Variants in PHACTR2 observed in about 807,000 individuals in gnomAD.
PHACTR2 encodes phosphatase and actin regulator 2.
PHACTR2 carries 30 observed loss-of-function variants against 76.0 expected under a neutral mutation model. That is an observed-to-expected ratio of 0.39 (90% CI 0.30 to 0.54). The LOEUF (loss-of-function observed/expected upper bound fraction) is 0.54. Among genes scored for constraint, PHACTR2 ranks in the 20% least tolerant of loss-of-function variants. The pLI, the probability that PHACTR2 is intolerant of heterozygous loss-of-function variation, is 0.61. For synonymous variants in PHACTR2, 292 were observed against 292.5 expected, an observed-to-expected ratio of 1.00 and a Z score of 0.02; for missense variants, 696 against 781.1, an observed-to-expected ratio of 0.89 and a Z score of 1.30.
chr6:143,667,136 T>G (rs1030101559), intron 1 of PHACTR2, among the ~76,000 whole-genome samples: 1 of 152,262 alleles, frequency 6.6e-6, no homozygotes, highest in Non-Finnish European at 1.5e-5. Flanking sequence ...AAGTAGGGAA[T>G]CCTTTCTCCA....
rs1778686416 is a variant in PHACTR2, at chr6:143,730,955, C to T, written c.215-18030C>T. On this transcript the variant is annotated intron_variant, in intron 2 of 12. Transcript: ENST00000440869. This position sits in a 1 kb window ranked among gnomAD's most constrained non-coding sequence, Gnocchi z 4.8. The stretch of plus-strand genomic sequence containing the variant: ...TAGAGACGGGGTTTCACTATGTTGG[C>T]CCCAGGCTGGTCTGGAATTCCTGAC... Among the ~76,000 whole-genome samples, 1 of 152,066 alleles carries T rather than the reference C, an allele frequency of 6.6e-6. No individual in the cohort carries two copies. The highest frequency in any genetic ancestry group is 1.5e-5 in the Non-Finnish European group (1 of 67,996).
chr6:143,760,428 C>T lies in PHACTR2; in HGVS notation c.482C>T (p.Pro161Leu), dbSNP rs766386038. 40 of 1,612,574 alleles carry T rather than the reference C, an allele frequency of 2.5e-5. No homozygotes were observed. The East Asian group carries it at 2.9e-4, about 12-fold the overall frequency. Residue 161 changes from proline (P) to leucine (L), a missense_variant, in exon 5 of 13, where the codon CCG (proline) becomes CTG (leucine). By Grantham distance (98) the Pro-to-Leu change is moderately conservative. Coordinates refer to ENST00000440869, the MANE Select transcript of PHACTR2 (RefSeq NM_001100164.2). This position sits in a 1 kb window ranked among gnomAD's most constrained non-coding sequence, Gnocchi z 6.4. ...KENTENHSET[P>L]AAPALPPSAP... ...AACACTGAAAACCACTCTGAAACAC[C>T]GGCAGCTCCTGCTCTACCTCCTTCT...
At chr6:143,699,381 A>G (rs1286450595) in intron 1 of PHACTR2, among the ~76,000 whole-genome samples, 1 of 152,122 alleles carries the variant, frequency 6.6e-6, no homozygotes, top group East Asian at 1.9e-4. Context: ...CAAACAGCAA[A>G]CAAAACCTTT....
rs12191548 is a variant in PHACTR2 at position 143,740,986 on chromosome 6, C to A, written c.215-7999C>A. On this transcript the variant is annotated intron_variant, in intron 2 of 12. Coordinates refer to ENST00000440869, the MANE Select transcript of PHACTR2 (RefSeq NM_001100164.2). Reference sequence around the variant, plus strand: ...TTGCTTAGCTGAGCGCAGTGGCTCACGCCTGTCATCCCAGCACTTTGGAGG... The same window carrying A: ...TTGCTTAGCTGAGCGCAGTGGCTCAAGCCTGTCATCCCAGCACTTTGGAGG... Among the ~76,000 whole-genome samples the A allele has an allele frequency of 3.3e-3, 506 of 152,336 alleles. 3 individuals are homozygous for A. The highest frequency in any genetic ancestry group is 5.4e-3 in the Non-Finnish European group (365 of 68,028).
chr6:143,559,694 T>C (rs1227268377), intron 1 of PHACTR2, among the ~76,000 whole-genome samples: 4 of 33,140 alleles, frequency 1.2e-4, no homozygotes, highest in African/African-American at 2.0e-4. Flanking sequence ...TCTTTTCTTT[T>C]TTTTTTTTTT....
chr6:143,649,040 G>T (rs1473041097), intron 1 of PHACTR2, among the ~76,000 whole-genome samples: 1 of 152,058 alleles, frequency 6.6e-6, no homozygotes, highest in Non-Finnish European at 1.5e-5. Flanking sequence ...ATGACTGTGT[G>T]TGTCTGCATA....
chr6:143,822,259 T>C lies in PHACTR2; in HGVS notation c.1923-1415T>C, dbSNP rs916949128. On this transcript the variant is annotated intron_variant, in intron 12 of 12. Coordinates refer to ENST00000440869, the MANE Select transcript of PHACTR2 (RefSeq NM_001100164.2). The surrounding 1 kb of genome is among the most constrained non-coding windows in gnomAD (Gnocchi z 5.5). ...CCAGACTTGTCTTGAACTCCTGGACTCAAGGCTGTCCTCCCACCTCAACCT... is the reference window on the plus strand; with the variant it reads ...CCAGACTTGTCTTGAACTCCTGGACCCAAGGCTGTCCTCCCACCTCAACCT... 6.6e-6 allele frequency among the ~76,000 whole-genome samples: 1 copy of C among 152,174 alleles called. No individual in the cohort carries two copies. Among genetic ancestry groups the C allele is most frequent in the African/African-American group, 2.4e-5 (1 of 41,434 alleles).
At position 143,658,650 on chromosome 6, in the gene PHACTR2, G is replaced by A. The variant is rs147675262; in HGVS notation, c.13+50328G>A. Among the ~76,000 whole-genome samples, 17 of 152,242 alleles carry A rather than the reference G, an allele frequency of 1.1e-4. No individual in the cohort carries two copies. Among genetic ancestry groups the A allele is most frequent in the African/African-American group, 3.6e-4 (15 of 41,542 alleles). Reference sequence around the variant, plus strand: ...TACTACAGACAATTATAACACAATGGTAAGCATTTGTGTATCTAAACATAT... The same window carrying A: ...TACTACAGACAATTATAACACAATGATAAGCATTTGTGTATCTAAACATAT... On this transcript the variant is annotated intron_variant, in intron 1 of 11. Coordinates refer to the PHACTR2 transcript ENST00000305766. The surrounding 1 kb of genome is among the most constrained non-coding windows in gnomAD (Gnocchi z 4.1).
intron 2 of PHACTR2, among the ~76,000 whole-genome samples, chr6:143,713,096 A>G (rs1778218454): frequency 6.6e-6 from 1 of 152,224 alleles, no homozygotes; most frequent in East Asian, 1.9e-4. Context: ...ACAGGGTCAC[A>G]GAGCATATCT....
chr6:143,758,062 C>A (rs1442252137), intron 4 of PHACTR2, among the ~76,000 whole-genome samples: 11 of 152,116 alleles, frequency 7.2e-5, no homozygotes, highest in African/African-American at 2.2e-4. Flanking sequence ...GAGGAGCGGA[C>A]GTATTCTCTA....
chr6:143,737,455 T>C (rs1180680179), intron 2 of PHACTR2, among the ~76,000 whole-genome samples: 3 of 152,046 alleles, frequency 2.0e-5, no homozygotes, highest in Non-Finnish European at 2.9e-5. Flanking sequence ...TAACCTATTG[T>C]ATGAAATATT....
chr6:143,766,056 A>T (rs1029120812), intron 6 of PHACTR2, among the ~76,000 whole-genome samples: 1 of 152,224 alleles, frequency 6.6e-6, no homozygotes, highest in African/African-American at 2.4e-5. Context: ...AACCTGCTTC[A>T]GCACTGCTCA....
chr6:143,777,454 T>TC lies in PHACTR2; in HGVS notation c.1645+71_1645+72insC. 2 of 723,088 alleles carry TC rather than the reference T, an allele frequency of 2.8e-6. No homozygotes were observed. The highest frequency in any genetic ancestry group is 4.5e-6 in the Non-Finnish European group (2 of 442,354). 44.8% of individuals were successfully genotyped at this position (723,088 alleles called of 1,614,324 possible). A position where few individuals can be genotyped will look rare whatever the true frequency, so the allele number is the denominator to read the frequency against. On this transcript the variant is annotated intron_variant, in intron 9 of 12. Transcript: ENST00000440869. The surrounding 1 kb of genome is among the most constrained non-coding windows in gnomAD (Gnocchi z 4.6). ...AAGCTGCCTCTACAGATGATCGATT[T>TC]ATCAGTAAGAAACCATCATATATTC...
At chr6:143,715,945 A>G (rs893284252) in intron 2 of PHACTR2, among the ~76,000 whole-genome samples, 3 of 152,208 alleles carry the variant, frequency 2.0e-5, no homozygotes, top group African/African-American at 4.8e-5. Context: ...CTAATGTCTC[A>G]ATTAGTGCAA....
At chr6:143,704,475 A>G (rs553681334) in intron 1 of PHACTR2, among the ~76,000 whole-genome samples, 3 of 152,322 alleles carry the variant, frequency 2.0e-5, no homozygotes, top group African/African-American at 7.2e-5. Flanking sequence ...CCTCACTCCT[A>G]AGAAAAAAAT....
rs1562306338 is a variant in PHACTR2 at position 143,784,269 on chromosome 6, C to A, written c.1707+989C>A. On this transcript the variant is annotated intron_variant, in intron 10 of 12. Coordinates refer to ENST00000440869, the MANE Select transcript of PHACTR2 (RefSeq NM_001100164.2). The surrounding 1 kb of genome is among the most constrained non-coding windows in gnomAD (Gnocchi z 4.5). ...ACCCAGATTGACAAATGTCTTACCT[C>A]CCAAACTCAGACAATTGTTGCCACT... Among the ~76,000 whole-genome samples the A allele has an allele frequency of 6.6e-6, 1 of 152,176 alleles. No homozygotes were observed. Among genetic ancestry groups the A allele is most frequent in the South Asian group, 2.1e-4 (1 of 4,828 alleles).
At position 143,709,185 on chromosome 6, in the gene PHACTR2, C is replaced by A. The variant is rs926109003; in HGVS notation, c.47-2831C>A. Among the ~76,000 whole-genome samples the A allele has an allele frequency of 1.3e-5, 2 of 152,212 alleles. No individual in the cohort carries two copies. The highest frequency in any genetic ancestry group is 2.9e-5 in the Non-Finnish European group (2 of 68,040). Reference sequence around the variant, plus strand: ...ACTCTGAATTAGCTTCAAAATCAGTCTGTCCCCTGTATCTCTATCTGTTGT... The same window carrying A: ...ACTCTGAATTAGCTTCAAAATCAGTATGTCCCCTGTATCTCTATCTGTTGT... On this transcript the variant is annotated intron_variant, in intron 1 of 12. Coordinates refer to ENST00000440869, the MANE Select transcript of PHACTR2 (RefSeq NM_001100164.2). This position sits in a 1 kb window ranked among gnomAD's most constrained non-coding sequence, Gnocchi z 4.4.
chr6:143,588,734 C>CA (rs1195479952), intron 1 of PHACTR2, among the ~76,000 whole-genome samples: 1 of 151,560 alleles, frequency 6.6e-6, no homozygotes, highest in Non-Finnish European at 1.5e-5. Context: ...GAAGAAAGCA[C>CA]AAAAAACAGT....
In PHACTR2 at chr6:143,608,998, A is replaced by G. The variant is rs760682399; in HGVS notation, c.13+676A>G. Among the ~76,000 whole-genome samples, 7 of 152,170 alleles carry G rather than the reference A, an allele frequency of 4.6e-5. No homozygotes were observed. The highest frequency in any genetic ancestry group is 7.3e-5 in the Non-Finnish European group (5 of 68,028). On this transcript the variant is annotated intron_variant, in intron 1 of 11. Transcript: ENST00000305766. The surrounding 1 kb of genome is among the most constrained non-coding windows in gnomAD (Gnocchi z 4.6). ...TTACTTTGCTGTATTGAACTTTTAG[A>G]GGAGATATACTGTGAGATCATGCCC...
Sources: allele counts gnomAD v4.1 joint callset (sites outside exome capture counted in the v4.1 genomes callset), GRCh38; gene constraint gnomAD v4.1.1; non-coding constraint Gnocchi (gnomAD v3.1); transcripts MANE v1.5; gene names NCBI Gene and HGNC (gene_info 2026-07-23, HGNC 2026-07-21).